Variants in DEUP1 observed in about 807,000 individuals in gnomAD.
DEUP1 encodes deuterosome assembly protein 1, also known as coiled-coil domain containing 67.
Under a neutral mutation model 87.4 loss-of-function variants are expected in DEUP1, and 82 were observed. That is an observed-to-expected ratio of 0.94 (90% CI 0.78 to 1.13). The LOEUF (loss-of-function observed/expected upper bound fraction) is 1.13. Ranked by LOEUF, DEUP1 falls within the 50% of genes most tolerant of loss-of-function variation. The pLI is 0.00. For synonymous variants in DEUP1, 214 were observed against 222.7 expected, an observed-to-expected ratio of 0.96 and a Z score of 0.35; for missense variants, 663 against 681.5, an observed-to-expected ratio of 0.97 and a Z score of 0.30.
intron 11 of DEUP1, among the ~76,000 whole-genome samples, chr11:93,402,978 T>G (rs1391998258): frequency 2.6e-5 from 4 of 151,980 alleles, no homozygotes; most frequent in Non-Finnish European, 4.4e-5. Flanking sequence ...TGATCTATTA[T>G]ACATTTCAAA....
chr11:93,432,284 G>A (rs1464503994), intron 13 of DEUP1, among the ~76,000 whole-genome samples: 1 of 152,178 alleles, frequency 6.6e-6, no homozygotes, highest in African/African-American at 2.4e-5. Context: ...TGCAGTATAG[G>A]AGGAAGGATG....
At chr11:93,392,276 C>T (rs1946787066) in intron 9 of DEUP1, among the ~76,000 whole-genome samples, 2 of 152,182 alleles carry the variant, frequency 1.3e-5, no homozygotes, top group Admixed American at 1.3e-4. Flanking sequence ...AACCACCTTC[C>T]ACACCTTCCA....
chr11:93,347,481 T>C (rs1422789989), intron 2 of DEUP1, among the ~76,000 whole-genome samples: 2 of 152,168 alleles, frequency 1.3e-5, no homozygotes, highest in Admixed American at 1.3e-4. Flanking sequence ...GGTTTTTCTT[T>C]TTTTGTTTTA....
chr11:93,428,973 G>A (rs994969476), intron 13 of DEUP1, among the ~76,000 whole-genome samples: 3 of 152,108 alleles, frequency 2.0e-5, no homozygotes, highest in African/African-American at 7.2e-5. Flanking sequence ...TTTCTCTGGT[G>A]AATAATGAGA....
chr11:93,355,382 G>C lies in DEUP1; in HGVS notation c.41G>C (p.Cys14Ser). 6.2e-7 allele frequency: 1 copy of C among 1,613,040 alleles called. No individual in the cohort carries two copies. ...QAHNTMGTSPCEAELQELMEQ... is the reference protein window; with the variant it reads ...QAHNTMGTSPSEAELQELMEQ... ...CCTACAATTGCCAGAACTTCTCCTT[G>C]TGAGGCTGAGCTTCAGGAATTAATG... Residue 14 changes from cysteine to serine, a missense_variant, in exon 3 of 14, where the codon TGT (cysteine) becomes TCT (serine). Coordinates refer to ENST00000298050, the MANE Select transcript of DEUP1 (RefSeq NM_181645.4).
At chr11:93,362,362 A>C (rs1435405038) in intron 4 of DEUP1, among the ~76,000 whole-genome samples, 1 of 151,996 alleles carries the variant, frequency 6.6e-6, no homozygotes, top group Non-Finnish European at 1.5e-5. Context: ...ACTAATTAAT[A>C]ATAAAAAGAC....
chr11:93,403,055 T>C (rs1463978981), intron 11 of DEUP1, among the ~76,000 whole-genome samples: 1 of 151,998 alleles, frequency 6.6e-6, no homozygotes, highest in Non-Finnish European at 1.5e-5. Flanking sequence ...TGATGATACC[T>C]CAAGTACACT....
At chr11:93,407,706 TAATC>T (rs1457144093) in intron 11 of DEUP1, among the ~76,000 whole-genome samples, 1 of 152,020 alleles carries the variant, frequency 6.6e-6, no homozygotes, top group Non-Finnish European at 1.5e-5. Context: ...ATGCCCATCT[TAATC>T]AGAAGAAAAT....
intron 7 of DEUP1, among the ~76,000 whole-genome samples, chr11:93,382,073 C>A (rs1946328932): frequency 6.6e-6 from 1 of 152,072 alleles, no homozygotes; most frequent in Non-Finnish European, 1.5e-5. Context: ...TTGTTCCAAA[C>A]AAACTTGAAA....
intron 7 of DEUP1, among the ~76,000 whole-genome samples, chr11:93,378,402 C>A (rs879819228): frequency 6.6e-6 from 1 of 151,988 alleles, no homozygotes; most frequent in Non-Finnish European, 1.5e-5. Context: ...ATTACTGAGA[C>A]TTTCCAGTGT....
At chr11:93,331,290 T>C (rs1452010348) in intron 1 of DEUP1, among the ~76,000 whole-genome samples, 4 of 152,292 alleles carry the variant, frequency 2.6e-5, no homozygotes, top group Admixed American at 2.6e-4. Context: ...TTCGGAGGAG[T>C]TGAAGTCCTT....
intron 11 of DEUP1, among the ~76,000 whole-genome samples, chr11:93,404,898 T>G (rs978856284): frequency 1.8e-4 from 27 of 152,056 alleles, no homozygotes; most frequent in Non-Finnish European, 2.9e-5. Context: ...AAAAGGGTTT[T>G]GTAAAGGAAA....
intron 12 of DEUP1, among the ~76,000 whole-genome samples, chr11:93,409,878 T>C (rs1947387216): frequency 6.6e-6 from 1 of 152,176 alleles, no homozygotes; most frequent in Non-Finnish European, 1.5e-5. Context: ...ATAATAATAT[T>C]TCTCCCACAA....
Position 93,337,726 on chromosome 11 carries a change from A to G in DEUP1, c.29+5438A>G, listed in dbSNP as rs1386160660. ...TAAATGCATGTTTTTGAAAGGAAGG[A>G]AAGTTATTAGGAAGGAGAGAGAGGG... is the stretch of plus-strand genomic sequence containing the variant. On this transcript the variant is annotated intron_variant, in intron 2 of 13. Coordinates refer to ENST00000298050, the MANE Select transcript of DEUP1 (RefSeq NM_181645.4). Among the ~76,000 whole-genome samples the G allele has an allele frequency of 3.3e-5, 5 of 152,328 alleles. No homozygotes were observed. In the East Asian group the frequency reaches 9.7e-4, roughly 29 times the overall value.
intron 11 of DEUP1, among the ~76,000 whole-genome samples, chr11:93,396,977 A>G (rs1320888697): frequency 2.1e-5 from 3 of 140,638 alleles, no homozygotes; most frequent in Non-Finnish European, 4.8e-5. Flanking sequence ...GTAACAATAG[A>G]AAATTGATTT....
intron 5 of DEUP1, 77 bp downstream of exon 5, chr11:93,364,371 T>A: frequency 7.8e-7 from 1 of 1,275,290 alleles, no homozygotes. Context: ...GTCTCTAGTG[T>A]CCACAATGGT....
At chr11:93,412,964 G>A (rs963976737) in intron 12 of DEUP1, among the ~76,000 whole-genome samples, 9 of 151,970 alleles carry the variant, frequency 5.9e-5, no homozygotes, top group Non-Finnish European at 1.3e-4. Context: ...TGTTGTATTT[G>A]TTTTTGTGTA....
intron 13 of DEUP1, among the ~76,000 whole-genome samples, chr11:93,419,182 T>C (rs1170186301): frequency 1.7e-5 from 2 of 115,030 alleles, no homozygotes; most frequent in African/African-American, 3.8e-5. Flanking sequence ...TAAAGTATAA[T>C]AATAAAAAAA....
chr11:93,363,070 A>G (rs1458355753), intron 4 of DEUP1, among the ~76,000 whole-genome samples: 1 of 151,946 alleles, frequency 6.6e-6, no homozygotes, highest in African/African-American at 2.4e-5. Context: ...ATTCAGCACT[A>G]AAAAGGAATT....
Sources: allele counts gnomAD v4.1 joint callset (sites outside exome capture counted in the v4.1 genomes callset), GRCh38; gene constraint gnomAD v4.1.1; transcripts MANE v1.5; gene names NCBI Gene and HGNC (gene_info 2026-07-23, HGNC 2026-07-21).